STON2: variants seen among roughly 807,000 people sequenced by gnomAD.
STON2 encodes the protein stonin 2, also known as stonin-2.
In STON2, 29 loss-of-function variants were observed where a neutral mutation model predicts 65.7. The observed-to-expected ratio is 0.44, with a 90% CI of 0.33 to 0.60. STON2 has a LOEUF of 0.60. Ranked by LOEUF, STON2 falls within the 20% of genes least tolerant of loss-of-function variation. The pLI is 0.03. For synonymous variants in STON2, 404 were observed against 414.2 expected, an observed-to-expected ratio of 0.98 and a Z score of 0.30; for missense variants, 1,054 against 1,118.1, an observed-to-expected ratio of 0.94 and a Z score of 0.82.
intron 4 of STON2, among the ~76,000 whole-genome samples, chr14:81,343,218 G>C (rs1213235241): frequency 6.6e-6 from 1 of 152,170 alleles, no homozygotes; most frequent in Non-Finnish European, 1.5e-5. Flanking sequence ...ATTGATATAT[G>C]CCAAAGTGAA....
At chr14:81,405,026 T>C (rs1377124545), upstream of STON2, among the ~76,000 whole-genome samples, 2 of 152,218 alleles carry the variant, frequency 1.3e-5, no homozygotes, top group African/African-American at 4.8e-5. Context: ...TCTCTTTATC[T>C]TTCATTTTCA....
chr14:81,303,103 C>CA (rs1896035567), intron 5 of STON2, among the ~76,000 whole-genome samples: 1 of 150,238 alleles, frequency 6.7e-6, no homozygotes, highest in Non-Finnish European at 1.5e-5. Context: ...ATAATGAATA[C>CA]AAATGAGAAT....
At chr14:81,392,826 T>C (rs978531885) in intron 3 of STON2, among the ~76,000 whole-genome samples, 5 of 152,234 alleles carry the variant, frequency 3.3e-5, no homozygotes, top group African/African-American at 1.2e-4. Context: ...TTAATAATTT[T>C]TACTGCCTCA....
At chr14:81,358,965 A>G (rs1898373751) in intron 4 of STON2, among the ~76,000 whole-genome samples, 1 of 152,228 alleles carries the variant, frequency 6.6e-6, no homozygotes, top group Admixed American at 6.5e-5. Context: ...CTCTATGTTC[A>G]ATAATGGCCA....
At chr14:81,269,930 C>A (rs139634844) in intron 7 of STON2, 1 of 985,270 alleles carries the variant, frequency 1.0e-6, no homozygotes, top group Non-Finnish European at 1.2e-6. Flanking sequence ...TAGCCCAGTA[C>A]CCAGGTCATG....
chr14:81,402,027 G>A (rs1030148901), upstream of STON2, among the ~76,000 whole-genome samples: 1 of 152,186 alleles, frequency 6.6e-6, no homozygotes, highest in East Asian at 1.9e-4. Flanking sequence ...AACAAGGTGT[G>A]TTTCTGTCTG....
chr14:81,388,093 G>A (rs1049114042), intron 3 of STON2, among the ~76,000 whole-genome samples: 3 of 150,530 alleles, frequency 2.0e-5, no homozygotes, highest in Non-Finnish European at 4.4e-5. Flanking sequence ...GAGACTACAG[G>A]CACCCACCAC....
chr14:81,304,338 G>T (rs918142770), intron 5 of STON2, among the ~76,000 whole-genome samples: 1 of 152,144 alleles, frequency 6.6e-6, no homozygotes, highest in African/African-American at 2.4e-5. Flanking sequence ...CAACAACCCT[G>T]TGAGGTAGGT....
chr14:81,406,088 G>T (rs1376525616), intron 2 of STON2, among the ~76,000 whole-genome samples: 1 of 152,140 alleles, frequency 6.6e-6, no homozygotes, highest in Non-Finnish European at 1.5e-5. Context: ...CCAGTGATTT[G>T]CCAGGGGCTC....
rs901984514 is a variant in STON2 at position 81,324,050 on chromosome 14, C to A, written c.709G>T (p.Gly237Cys). The change falls in exon 5 of 8, where the codon GGC (glycine) becomes TGC (cysteine). Residue 237 changes from glycine (G) to cysteine (C), a missense_variant. Transcript: ENST00000614646. ...SPQPKRSQNP[G>C]EGPEGASAPN... ...GCAGAGGCCCCCTCCGGACCCTCGC[C>A]GGGGTTCTGGCTCCTCTTGGGCTGG... Among the ~76,000 whole-genome samples, 1 of 152,220 alleles carries A rather than the reference C, an allele frequency of 6.6e-6. No homozygotes were observed. Among genetic ancestry groups the A allele is most frequent in the South Asian group, 2.1e-4 (1 of 4,830 alleles).
At chr14:81,375,661 G>A (rs1566933546) in intron 3 of STON2, among the ~76,000 whole-genome samples, 3 of 151,720 alleles carry the variant, frequency 2.0e-5, no homozygotes, top group Non-Finnish European at 4.4e-5. Context: ...GCAAACAGAA[G>A]CTTTAAACAA....
In STON2 at chr14:81,321,891, A is replaced by G. The variant is rs57982987; in HGVS notation, c.742+2126T>C. Among the ~76,000 whole-genome samples the G allele has an allele frequency of 5.2e-3, 791 of 152,270 alleles. 6 individuals carry two copies. Among genetic ancestry groups the G allele is most frequent in the Middle Eastern group, 0.021 (6 of 292 alleles). On this transcript the variant is annotated intron_variant, in intron 5 of 7. Transcript: ENST00000614646. The stretch of plus-strand genomic sequence containing the variant: ...TCCCATCCCATGGAAACTGGACCAT[A>G]CAGGCGATCAAGGCCCTTTGATTTG...
chr14:81,271,833 T>C (rs1471143679), intron 6 of STON2, among the ~76,000 whole-genome samples: 7 of 152,234 alleles, frequency 4.6e-5, no homozygotes, highest in African/African-American at 1.7e-4. Flanking sequence ...AAATCTTTTA[T>C]ACAGATTCTC....
rs200833978 is a variant in STON2, at chr14:81,325,627, T to TTC, written c.572-1441_572-1440insGA. 9.6e-3 allele frequency among the ~76,000 whole-genome samples: 1,462 copies of TTC among 152,330 alleles called. 33 individuals are homozygous for TTC. Among genetic ancestry groups the TTC allele is most frequent in the African/African-American group, 0.033 (1,379 of 41,564 alleles). On this transcript the variant is annotated intron_variant, in intron 4 of 7. Transcript: ENST00000614646. Reference sequence around the variant, plus strand: ...AATGTTTATGTATATAAAGCATATATGACTACCCTCTTAAAAACAACATAA... The same window carrying TTC: ...AATGTTTATGTATATAAAGCATATATTCGACTACCCTCTTAAAAACAACATAA...
intron 5 of STON2, among the ~76,000 whole-genome samples, chr14:81,279,278 T>C (rs562463531): frequency 3.3e-5 from 5 of 152,136 alleles, no homozygotes; most frequent in Non-Finnish European, 4.4e-5. Flanking sequence ...GGTTCATACA[T>C]GTGAATAAGA....
At position 81,370,560 on chromosome 14, in the gene STON2, T is replaced by C. The variant is rs574350894; in HGVS notation, c.571+428A>G. Among the ~76,000 whole-genome samples the C allele has an allele frequency of 2.0e-5, 3 of 152,362 alleles. No homozygotes were observed. In the South Asian group the frequency reaches 6.2e-4, roughly 32 times the overall value. ...ACAGTGGCTGAGTGTTGATTCTCATTCTGTTTTATATAACATTCGTTTTCT... is the reference window on the plus strand; with the variant it reads ...ACAGTGGCTGAGTGTTGATTCTCATCCTGTTTTATATAACATTCGTTTTCT... On this transcript the variant is annotated intron_variant, in intron 4 of 7. Transcript: ENST00000614646.
In STON2 at chr14:81,422,844, C is replaced by T. The variant is rs140948764; in HGVS notation, c.-199+4258G>A. On this transcript the variant is annotated intron_variant, in intron 2 of 8. Transcript: ENST00000553821. ...GTCAGGAGTTCAAGACTAGCCTGGC[C>T]AACATGGTGAAACCCCGTCTCTACT... Among the ~76,000 whole-genome samples the T allele has an allele frequency of 2.1e-3, 325 of 152,070 alleles. 1 individual carries two copies. Among genetic ancestry groups the T allele is most frequent in the Non-Finnish European group, 1.6e-3 (112 of 67,964 alleles).
Position 81,266,555 on chromosome 14 carries a change from C to A in STON2, c.*1859G>T. 1.8e-6 allele frequency: 1 copy of A among 566,828 alleles called. No individual in the cohort carries two copies. The highest frequency in any genetic ancestry group is 7.7e-5 in the South Asian group (1 of 13,034). The allele number at this position is 566,828 out of a possible 1,614,324, so 35.1% of individuals were successfully genotyped here. On this transcript the variant is annotated 3_prime_UTR_variant, in exon 8 of 8. Transcript: ENST00000614646. ...ACAACCCTGGTCACCTCCCTATGGACACAATCAACTTATTAATGTCTCTCT... is the reference window on the plus strand; with the variant it reads ...ACAACCCTGGTCACCTCCCTATGGAAACAATCAACTTATTAATGTCTCTCT...
intron 4 of STON2, among the ~76,000 whole-genome samples, chr14:81,342,986 G>A (rs1420753112): frequency 1.3e-5 from 2 of 152,178 alleles, no homozygotes; most frequent in African/African-American, 4.8e-5. Flanking sequence ...TGAGGCAGGA[G>A]AGCCATCCTG....
Sources: allele counts gnomAD v4.1 joint callset (sites outside exome capture counted in the v4.1 genomes callset), GRCh38; gene constraint gnomAD v4.1.1; transcripts MANE v1.5; gene names NCBI Gene and HGNC (gene_info 2026-07-23, HGNC 2026-07-21).